The following TRPM3 variants were observed in gnomAD, a reference collection of about 807,000 sequenced individuals.
TRPM3 encodes the protein long transient receptor potential channel 3.
In TRPM3, 77 loss-of-function variants were observed where a neutral mutation model predicts 181.2. The ratio of observed to expected loss-of-function variants is 0.42; its 90% CI spans 0.35 to 0.51. The LOEUF is 0.51. TRPM3 is among the 20% of genes least tolerant of loss of function. TRPM3 has a pLI of 0.01. For synonymous variants in TRPM3, 745 were observed against 796.4 expected, an observed-to-expected ratio of 0.94 and a Z score of 1.09; for missense variants, 1,759 against 2,196.7, an observed-to-expected ratio of 0.80 and a Z score of 3.98.
rs188151329 is a variant in TRPM3, at chr9:71,372,755, T to G, written c.183+73898A>C. ...ATGTAAATGGGCTAAATACCCCAAT[T>G]CAAAGACACCAAATGGCAAGCTGGG... On this transcript the variant is annotated intron_variant, in intron 1 of 24. Transcript: ENST00000357533. Among the ~76,000 whole-genome samples, 92 of 152,252 alleles carry G rather than the reference T, an allele frequency of 6.0e-4. 1 individual carries two copies. Among genetic ancestry groups the G allele is most frequent in the Admixed American group, 5.2e-3 (80 of 15,294 alleles).
rs1369876891 is a variant in TRPM3 at position 70,686,834 on chromosome 9, TTTC to T, written c.1273-5259_1273-5257del. ...CTTTTCTTTTCTTTTTCTTTTTTTT[TTTC>T]TTTTTTGAGACAGGGTCTCACTCTG... On this transcript the variant is annotated intron_variant, in intron 8 of 25. Transcript: ENST00000677713. Among the ~76,000 whole-genome samples, 8 of 105,212 alleles carry T rather than the reference TTTC, an allele frequency of 7.6e-5. 1 individual carries two copies. Among genetic ancestry groups the T allele is most frequent in the East Asian group, 5.8e-4 (2 of 3,476 alleles). The allele number at this position is 105,212 out of a possible 152,430, so 69.0% of individuals were successfully genotyped here.
intron 9 of TRPM3, among the ~76,000 whole-genome samples, chr9:70,663,073 A>C (rs1477167294): frequency 1.3e-5 from 2 of 152,196 alleles, no homozygotes; most frequent in Non-Finnish European, 2.9e-5. Flanking sequence ...AAAGGAATGA[A>C]ATATTGTCTT....
chr9:70,698,814 G>A (rs1054921026), intron 8 of TRPM3, among the ~76,000 whole-genome samples: 2 of 151,014 alleles, frequency 1.3e-5, no homozygotes, highest in Non-Finnish European at 3.0e-5. Flanking sequence ...CTTCTCTCTC[G>A]GTTCTGCTCC....
At chr9:70,673,560 A>G (rs1385747852) in intron 9 of TRPM3, among the ~76,000 whole-genome samples, 1 of 152,192 alleles carries the variant, frequency 6.6e-6, no homozygotes, top group Non-Finnish European at 1.5e-5. Context: ...TCTAAAATAG[A>G]TGGAAAATGT....
chr9:70,986,759 A>G (rs1728768639), intron 1 of TRPM3, among the ~76,000 whole-genome samples: 1 of 152,170 alleles, frequency 6.6e-6, no homozygotes, highest in Admixed American at 6.6e-5. Context: ...CAGATGTATA[A>G]TCTAGTGGAG....
chr9:71,145,446 A>G (rs976128177), intron 1 of TRPM3, among the ~76,000 whole-genome samples: 1 of 152,180 alleles, frequency 6.6e-6, no homozygotes, highest in African/African-American at 2.4e-5. Flanking sequence ...GAGAGAATGC[A>G]GAAAATACCA....
At chr9:71,366,885 A>C (rs548489655) in intron 1 of TRPM3, among the ~76,000 whole-genome samples, 1 of 152,290 alleles carries the variant, frequency 6.6e-6, no homozygotes, top group South Asian at 2.1e-4. Flanking sequence ...TCTTATAGAA[A>C]TCTTATAGAT....
chr9:71,351,690 A>G (rs1342793234), intron 1 of TRPM3, among the ~76,000 whole-genome samples: 4 of 152,222 alleles, frequency 2.6e-5, no homozygotes, highest in Non-Finnish European at 5.9e-5. Context: ...TATGATTTAC[A>G]TAACATTTTA....
chr9:70,667,896 G>A (rs531530508), intron 9 of TRPM3, among the ~76,000 whole-genome samples: 3 of 152,278 alleles, frequency 2.0e-5, no homozygotes, highest in East Asian at 3.9e-4. Context: ...TGCAAAGGAG[G>A]CTAGGATAGT....
intron 1 of TRPM3, among the ~76,000 whole-genome samples, chr9:71,021,616 G>T (rs1590718073): frequency 6.6e-6 from 1 of 152,208 alleles, no homozygotes; most frequent in East Asian, 1.9e-4. Context: ...AAATAAACAA[G>T]ACAATTATCA....
exon 1 of TRPM3, chr9:71,446,740 G>A (rs1271546310): frequency 6.4e-7 from 1 of 1,550,432 alleles, no homozygotes; most frequent in African/African-American, 1.4e-5. Flanking sequence ...ACCTGCCCCG[G>A]CTGGCGCTCC....
chr9:71,092,572 C>T (rs1448526041), intron 1 of TRPM3, among the ~76,000 whole-genome samples: 1 of 151,984 alleles, frequency 6.6e-6, no homozygotes, highest in Non-Finnish European at 1.5e-5. Flanking sequence ...CCAACAATAA[C>T]AATTAGATTT....
chr9:70,791,121 T>C (rs990823802), intron 6 of TRPM3, among the ~76,000 whole-genome samples: 1 of 152,244 alleles, frequency 6.6e-6, no homozygotes, highest in South Asian at 2.1e-4. Context: ...ATAACTGGAA[T>C]GTGTCTGACC....
At chr9:70,928,505 G>A (rs2096743329) in intron 1 of TRPM3, among the ~76,000 whole-genome samples, 1 of 152,096 alleles carries the variant, frequency 6.6e-6, no homozygotes, top group Non-Finnish European at 1.5e-5. Context: ...TGTCTTTCTT[G>A]ACAATTTAAT....
intron 1 of TRPM3, among the ~76,000 whole-genome samples, chr9:71,406,456 T>C (rs1008341355): frequency 1.5e-4 from 23 of 152,184 alleles, no homozygotes; most frequent in African/African-American, 4.8e-4. Context: ...CCAATCTCAG[T>C]ATTTAGCTAA....
At chr9:70,902,840 C>T (rs532978355) in intron 1 of TRPM3, among the ~76,000 whole-genome samples, 1 of 152,268 alleles carries the variant, frequency 6.6e-6, no homozygotes, top group African/African-American at 2.4e-5. Context: ...CTTGAATCAC[C>T]TTAGAATAAG....
At chr9:70,765,682 G>C (rs1241974233) in intron 7 of TRPM3, among the ~76,000 whole-genome samples, 1 of 151,994 alleles carries the variant, frequency 6.6e-6, no homozygotes. Context: ...CTTCTGTTTG[G>C]GTACAAAGGC....
intron 19 of TRPM3, among the ~76,000 whole-genome samples, 178 bp from the exon 20 acceptor site, chr9:70,603,648 G>C (rs1345250344): frequency 2.0e-5 from 3 of 152,200 alleles, no homozygotes; most frequent in Non-Finnish European, 4.4e-5. Context: ...AATACTTGAA[G>C]GATTATAATA....
chr9:70,616,047 G>A lies in TRPM3; in HGVS notation c.2387C>T (p.Ser796Leu). 3 of 1,607,714 alleles carry A rather than the reference G, an allele frequency of 1.9e-6. No individual in the cohort carries two copies. Among genetic ancestry groups the A allele is most frequent in the Non-Finnish European group, 2.5e-6 (3 of 1,177,742 alleles). ...KVILGILLPP[S>L]ILSLEFKNKD... The stretch of plus-strand genomic sequence containing the variant: ...GTTCTTGAACTCCAAGCTGAGAATT[G>A]AAGGAGGAAGTAGAATTCCCAGAAT... The change falls in exon 18 of 26, where the codon TCA (serine) becomes TTA (leucine). Residue 796 changes from serine (S) to leucine (L), a missense_variant. Physicochemically the swap from Ser to Leu is moderately radical, Grantham distance 145. Around this residue, in one of 8 missense-constraint regions of TRPM3, gnomAD observed 114 missense variants for 134.8 expected, o/e 0.85. Coordinates refer to ENST00000677713, the MANE Select transcript of TRPM3 (RefSeq NM_001366145.2).
Sources: allele counts gnomAD v4.1 joint callset (sites outside exome capture counted in the v4.1 genomes callset), GRCh38; gene constraint gnomAD v4.1.1; regional missense constraint gnomAD v4.1.1; transcripts MANE v1.5; gene names NCBI Gene and HGNC (gene_info 2026-07-23, HGNC 2026-07-21).